The following EPB41L4B variants were observed in gnomAD, a reference collection of about 807,000 sequenced individuals.
The protein encoded by EPB41L4B is erythrocyte membrane protein band 4.1 like 4B, also known as band 4.1-like protein 4B.
EPB41L4B carries 30 observed loss-of-function variants against 112.5 expected under a neutral mutation model. That is an observed-to-expected ratio of 0.27 (90% confidence interval 0.20 to 0.36). EPB41L4B has a LOEUF of 0.36. Among genes scored for constraint, EPB41L4B ranks in the 10% least tolerant of loss-of-function variants. The pLI is 1.00. For missense variants in EPB41L4B, 1,024 were observed against 1,133.3 expected (o/e 0.90, Z 1.38); for synonymous variants, 408 against 439.7 (o/e 0.93, Z 0.90).
chr9:109,279,400 T>G (rs1422240835), intron 2 of EPB41L4B, among the ~76,000 whole-genome samples: 1 of 152,038 alleles, frequency 6.6e-6, no homozygotes, highest in Non-Finnish European at 1.5e-5. Flanking sequence ...TATTCTTTGT[T>G]GAGATGGAGT....
chr9:109,243,843 G>A (rs1469940152), intron 14 of EPB41L4B, among the ~76,000 whole-genome samples, 161 bp from the exon 15 acceptor site: 3 of 152,202 alleles, frequency 2.0e-5, no homozygotes, highest in African/African-American at 4.8e-5. Flanking sequence ...GGACGATCAC[G>A]TTTCCCCCTC....
chr9:109,313,479 G>A lies in EPB41L4B; in HGVS notation c.306+6662C>T, dbSNP rs80129772. 3.6e-3 allele frequency among the ~76,000 whole-genome samples: 546 copies of A among 152,350 alleles called. 5 individuals are homozygous for A. The highest frequency in any genetic ancestry group is 0.033 in the East Asian group (171 of 5,192). On this transcript the variant is annotated intron_variant, in intron 1 of 25. Transcript: ENST00000374566. Reference sequence around the variant, plus strand: ...CCCGGCTCCAGCCCCACTCTGCCAGGTCAGCTCTGGCTGGTAGCAGAGTCA... The same window carrying A: ...CCCGGCTCCAGCCCCACTCTGCCAGATCAGCTCTGGCTGGTAGCAGAGTCA...
Position 109,194,302 on chromosome 9 carries a change from A to C in EPB41L4B, c.2141T>G (p.Val714Gly). ...CTGGACCTTGGGGGACGGCAGCGGC[A>C]CGGAGACTTGTGTGGCGGCCGTTGT... is the stretch of plus-strand genomic sequence containing the variant. ...NTTTAATQVS[V>G]PLPSPKVQNV... The change falls in exon 21 of 26, where the codon GTG becomes GGG. Residue 714 changes from valine (V) to glycine (G), a missense_variant. Transcript: ENST00000374566. 6.2e-7 allele frequency: 1 copy of C among 1,614,202 alleles called. No homozygotes were observed. The highest frequency in any genetic ancestry group is 1.1e-5 in the South Asian group (1 of 91,084).
At chr9:109,213,076 G>A (rs530210200) in intron 17 of EPB41L4B, among the ~76,000 whole-genome samples, 1 of 152,322 alleles carries the variant, frequency 6.6e-6, no homozygotes, top group South Asian at 2.1e-4. Flanking sequence ...CTTCTGGTCT[G>A]AGACATTGAG....
At chr9:109,206,894 C>T (rs1306243144) in intron 18 of EPB41L4B, among the ~76,000 whole-genome samples, 1 of 152,246 alleles carries the variant, frequency 6.6e-6, no homozygotes, top group East Asian at 1.9e-4. Flanking sequence ...TCACCCCAGC[C>T]TTGCTGCTTC....
chr9:109,320,170 C>A lies in EPB41L4B; in HGVS notation c.277G>T (p.Asp93Tyr). Reference protein sequence around the residue: ...ATLYCRVFLLDGTEVSVDLPK... With the variant: ...ATLYCRVFLLYGTEVSVDLPK... ...AGGTCCACGCTCACTTCGGTCCCGT[C>A]GAGCAGGAAGACGCGGCAGTAGAGG... The change falls in exon 1 of 26, where the codon GAC becomes TAC. Residue 93 changes from aspartate to tyrosine, a missense_variant. Asp to Tyr is a radical substitution (Grantham distance 160). Coordinates refer to ENST00000374566, the MANE Select transcript of EPB41L4B (RefSeq NM_019114.5). The A allele has an allele frequency of 1.3e-6, 2 of 1,483,296 alleles. No individual in the cohort carries two copies. Among genetic ancestry groups the A allele is most frequent in the Non-Finnish European group, 9.0e-7 (1 of 1,114,078 alleles). The allele number at this position is 1,483,296 out of a possible 1,614,324, so 91.9% of individuals were successfully genotyped here.
At chr9:109,177,354 A>G (rs1831878797) in intron 24 of EPB41L4B, among the ~76,000 whole-genome samples, 1 of 152,180 alleles carries the variant, frequency 6.6e-6, no homozygotes, top group Admixed American at 6.5e-5. Flanking sequence ...AAGTCCAACA[A>G]TACGTGTTTC....
chr9:109,208,185 T>C, intron 17 of EPB41L4B, 136 bp from the exon 18 acceptor site: 1 of 1,037,430 alleles, frequency 9.6e-7, no homozygotes, highest in Non-Finnish European at 1.4e-6. Flanking sequence ...TCCTTATATT[T>C]TTATCTGTGC....
chr9:109,220,733 CTGTG>C (rs1471173441), intron 15 of EPB41L4B, among the ~76,000 whole-genome samples: 1 of 151,994 alleles, frequency 6.6e-6, no homozygotes, highest in South Asian at 2.1e-4. Context: ...AAGGACGGTT[CTGTG>C]TGTGTGCGTG....
intron 19 of EPB41L4B, among the ~76,000 whole-genome samples, 196 bp from the exon 20 acceptor site, chr9:109,200,530 A>G (rs1226972221): frequency 1.3e-5 from 2 of 152,326 alleles, no homozygotes; most frequent in East Asian, 3.9e-4. Flanking sequence ...CCAAACAGTA[A>G]GAAAAAAATC....
intron 1 of EPB41L4B, among the ~76,000 whole-genome samples, chr9:109,305,135 A>G (rs1837129932): frequency 6.6e-6 from 1 of 151,798 alleles, no homozygotes; most frequent in Admixed American, 6.6e-5. Flanking sequence ...CACCCAAGGC[A>G]AAAAAATGCC....
At chr9:109,303,922 A>G (rs1006210454) in intron 1 of EPB41L4B, among the ~76,000 whole-genome samples, 1 of 152,154 alleles carries the variant, frequency 6.6e-6, no homozygotes, top group Non-Finnish European at 1.5e-5. Context: ...CTATTCAAGC[A>G]ACTAGGCTGT....
At chr9:109,281,164 T>A (rs544550819) in intron 1 of EPB41L4B, among the ~76,000 whole-genome samples, 13 of 149,546 alleles carry the variant, frequency 8.7e-5, no homozygotes, top group Admixed American at 4.7e-4. Flanking sequence ...CATGGAGACA[T>A]GAAGTGCAGA....
At position 109,242,418 on chromosome 9, in the gene EPB41L4B, A is replaced by G. The variant is rs181236953; in HGVS notation, c.1409+1200T>C. On this transcript the variant is annotated intron_variant, in intron 15 of 25. Coordinates refer to ENST00000374566, the MANE Select transcript of EPB41L4B (RefSeq NM_019114.5). ...GGCCATGCCTCAGAAGGAAACTAAC[A>G]TGATAAAACAGGCAATGATAAGCAC... is the stretch of plus-strand genomic sequence containing the variant. Among the ~76,000 whole-genome samples the G allele has an allele frequency of 1.9e-4, 29 of 152,398 alleles. No homozygotes were observed. The East Asian group carries it at 5.6e-3, about 29-fold the overall frequency.
chr9:109,237,630 G>A (rs1224779177), intron 15 of EPB41L4B, among the ~76,000 whole-genome samples: 3 of 152,154 alleles, frequency 2.0e-5, no homozygotes, highest in Admixed American at 1.3e-4. Flanking sequence ...TTTTTAGACT[G>A]GGGGAGGGGT....
chr9:109,247,838 G>T (rs984603034), intron 13 of EPB41L4B, 49 bp from the exon 14 acceptor site: 18 of 1,325,096 alleles, frequency 1.4e-5, no homozygotes, highest in Non-Finnish European at 1.7e-5. Flanking sequence ...AAAATAGGTT[G>T]TAGAGTGGCA....
At chr9:109,240,293 C>T in intron 15 of EPB41L4B, 1 of 985,392 alleles carries the variant, frequency 1.0e-6, no homozygotes, top group Non-Finnish European at 1.2e-6. Flanking sequence ...ATGGAATACA[C>T]CTGTAAACAA....
At chr9:109,282,729 C>T (rs568080312) in intron 1 of EPB41L4B, among the ~76,000 whole-genome samples, 5 of 152,164 alleles carry the variant, frequency 3.3e-5, no homozygotes, top group African/African-American at 9.6e-5. Context: ...TTGCTCTTGT[C>T]GCCCAGCCTG....
chr9:109,256,515 G>T, intron 7 of EPB41L4B, 35 bp from the exon 8 acceptor site: 2 of 1,581,338 alleles, frequency 1.3e-6, no homozygotes, highest in Non-Finnish European at 1.7e-6. Flanking sequence ...TGTAAACTGC[G>T]ACTCGTAAGC....
Sources: gnomAD v4.1 joint callset for allele counts (sites outside exome capture counted in the v4.1 genomes callset) on GRCh38, gnomAD v4.1.1 for gene constraint, MANE v1.5 for transcripts, NCBI Gene and HGNC (gene_info 2026-07-23, HGNC 2026-07-21) for gene names.